The following LOC122539214 variants were observed in gnomAD, a reference collection of about 807,000 sequenced individuals.
the LOC122539214 span, among the ~76,000 whole-genome samples, chr19:52,661,303 C>T: frequency 6.6e-6 from 1 of 152,152 alleles, no homozygotes; most frequent in Admixed American, 6.5e-5. Context: ...ACAGGAAGAC[C>T]TACAAGGGTA....
At chr19:52,688,415 C>A in the LOC122539214 span, among the ~76,000 whole-genome samples, 4 of 151,716 alleles carry the variant, frequency 2.6e-5, no homozygotes, top group African/African-American at 4.8e-5. Context: ...CTCAAGCAAT[C>A]CCCCTGCCTC....
the LOC122539214 span, among the ~76,000 whole-genome samples, chr19:52,684,570 A>T: frequency 5.4e-4 from 82 of 150,608 alleles, no homozygotes; most frequent in Non-Finnish European, 8.4e-4. Flanking sequence ...AAAAAAGGAA[A>T]GAAAGAAAAA....
At chr19:52,653,867 T>C in the LOC122539214 span, among the ~76,000 whole-genome samples, 1 of 152,254 alleles carries the variant, frequency 6.6e-6, no homozygotes, top group Non-Finnish European at 1.5e-5. Flanking sequence ...AAATGTGAGC[T>C]ATAATTAAAG....
the LOC122539214 span, among the ~76,000 whole-genome samples, chr19:52,683,991 C>T: frequency 9.2e-5 from 14 of 152,054 alleles, no homozygotes; most frequent in South Asian, 6.2e-4. Context: ...TCCAGTACAC[C>T]GGGAGACCAA....
At chr19:52,683,042 T>C in the LOC122539214 span, among the ~76,000 whole-genome samples, 1 of 149,600 alleles carries the variant, frequency 6.7e-6, no homozygotes. Flanking sequence ...AGCTAATTTT[T>C]GTATTTTTAG....
chr19:52,655,684 A>G, the LOC122539214 span: 633 of 1,114,668 alleles, frequency 5.7e-4, 8 homozygotes, highest in African/African-American at 7.9e-3. Flanking sequence ...AAAGTCAAGC[A>G]TCCCTAAAAT....
chr19:52,660,919 C>T, the LOC122539214 span: 39,270 of 152,818 alleles, frequency 0.26, 5,297 homozygotes, highest in Middle Eastern at 0.35. Context: ...TGATGGGGTT[C>T]AGTGACATGA....
the LOC122539214 span, among the ~76,000 whole-genome samples, chr19:52,666,618 CAAA>C: frequency 0.19 from 19,602 of 105,856 alleles, 1,969 homozygotes; most frequent in African/African-American, 0.35. Context: ...TATCCTAAGT[CAAA>C]AAAAAAAAAA....
chr19:52,653,484 T>C, the LOC122539214 span, among the ~76,000 whole-genome samples: 1 of 151,996 alleles, frequency 6.6e-6, no homozygotes. Context: ...TACATTTGTA[T>C]GGTTTCTCTC....
the LOC122539214 span, among the ~76,000 whole-genome samples, chr19:52,671,891 T>C: frequency 6.6e-6 from 1 of 152,314 alleles, no homozygotes; most frequent in East Asian, 1.9e-4. Flanking sequence ...AAGAATACAT[T>C]GCAGTCAAGT....
At chr19:52,665,223 G>A in the LOC122539214 span, among the ~76,000 whole-genome samples, 1 of 152,028 alleles carries the variant, frequency 6.6e-6, no homozygotes, top group Non-Finnish European at 1.5e-5. Flanking sequence ...GAGGGCTCAG[G>A]CCAGGGAGGA....
chr19:52,662,917 C>T, the LOC122539214 span, among the ~76,000 whole-genome samples: 21 of 152,224 alleles, frequency 1.4e-4, no homozygotes, highest in African/African-American at 3.4e-4. Flanking sequence ...AATCCCAGCA[C>T]TTTGGGAGGC....
the LOC122539214 span, among the ~76,000 whole-genome samples, chr19:52,661,782 G>A: frequency 2.0e-5 from 3 of 152,176 alleles, no homozygotes; most frequent in South Asian, 4.1e-4. Context: ...TGGACCAGAG[G>A]TGGGGGTGAA....
At chr19:52,676,709 G>C in the LOC122539214 span, among the ~76,000 whole-genome samples, 1 of 137,894 alleles carries the variant, frequency 7.3e-6, no homozygotes, top group South Asian at 2.3e-4. Flanking sequence ...GGAAAAGATT[G>C]AGAAATCGGA....
At chr19:52,653,343 ATGT>A in the LOC122539214 span, 4 of 1,234,350 alleles carry the variant, frequency 3.2e-6, no homozygotes, top group East Asian at 8.1e-5. Context: ...GAACTCTCTG[ATGT>A]TGTGCAAGGT....
At chr19:52,676,819 G>A in the LOC122539214 span, among the ~76,000 whole-genome samples, 2 of 134,148 alleles carry the variant, frequency 1.5e-5, no homozygotes, top group Non-Finnish European at 3.1e-5. Flanking sequence ...GTTGATCTGT[G>A]ACCTTACCCC....
the LOC122539214 span, among the ~76,000 whole-genome samples, chr19:52,684,411 T>C: frequency 6.6e-6 from 1 of 151,448 alleles, no homozygotes; most frequent in East Asian, 1.9e-4. Flanking sequence ...TAACCAGGTG[T>C]GGTGGCACAC....
chr19:52,680,606 ATTTTTTTT>A, the LOC122539214 span, among the ~76,000 whole-genome samples: 13 of 88,946 alleles, frequency 1.5e-4, no homozygotes, highest in South Asian at 4.1e-4. Flanking sequence ...TCCACAAAAT[ATTTTTTTT>A]TTTTTTTTTT....
chr19:52,652,972 C>T, the LOC122539214 span: 3 of 1,317,728 alleles, frequency 2.3e-6, no homozygotes, highest in Non-Finnish European at 3.3e-6. Flanking sequence ...ACACTCATTA[C>T]ACCTGTAAGG....
Sources: gnomAD v4.1 joint callset for allele counts (sites outside exome capture counted in the v4.1 genomes callset) on GRCh38, gnomAD v4.1.1 for gene constraint, MANE v1.5 for transcripts.